TMEM51: variants seen among roughly 807,000 people sequenced by gnomAD.
TMEM51 encodes chromosome 1 open reading frame 72.
Under a neutral mutation model 13.6 loss-of-function variants are expected in TMEM51, and 8 were observed. That is an observed-to-expected ratio of 0.59 (90% CI 0.35 to 1.07). The LOEUF (loss-of-function observed/expected upper bound fraction) is 1.07. Ranked by LOEUF, TMEM51 falls within the 50% of genes least tolerant of loss-of-function variation. The pLI is 0.02. For synonymous variants in TMEM51, 147 were observed against 144.4 expected (o/e 1.02, Z -0.13); for missense variants, 279 against 330.7 (o/e 0.84, Z 1.21).
intron 1 of TMEM51, among the ~76,000 whole-genome samples, chr1:15,191,362 G>A (rs1179021004): frequency 1.3e-5 from 2 of 152,218 alleles, no homozygotes; most frequent in Admixed American, 1.3e-4. Context: ...CCACAAGTTG[G>A]TGGCAGTTTG....
chr1:15,188,070 G>C (rs1174817701), intron 1 of TMEM51, among the ~76,000 whole-genome samples: 1 of 152,194 alleles, frequency 6.6e-6, no homozygotes, highest in African/African-American at 2.4e-5. Flanking sequence ...TATTAGATGA[G>C]AGTGTTTTTG....
chr1:15,193,959 T>A (rs1643992729), intron 1 of TMEM51, among the ~76,000 whole-genome samples: 1 of 152,260 alleles, frequency 6.6e-6, no homozygotes. Flanking sequence ...TATTCCACTC[T>A]ACTGCTAAGC....
chr1:15,168,543 A>G, intron 1 of TMEM51: 1 of 1,304,896 alleles, frequency 7.7e-7, no homozygotes. Flanking sequence ...CCACTGATTT[A>G]ACAGCATAGG....
chr1:15,203,953 A>G (rs1230855174), intron 1 of TMEM51, among the ~76,000 whole-genome samples: 1 of 152,190 alleles, frequency 6.6e-6, no homozygotes, highest in Non-Finnish European at 1.5e-5. Context: ...GTCCCACGGC[A>G]TAACAGGTGG....
chr1:15,161,821 C>T lies in TMEM51; in HGVS notation c.-267+7867C>T, dbSNP rs539919659. On this transcript the variant is annotated intron_variant, in intron 1 of 3. Transcript: ENST00000376008. The surrounding 1 kb of genome is among the most constrained non-coding windows in gnomAD (Gnocchi z 4.0). ...GCGGGCACCTGTAGTCCCAGCTACT[C>T]AGGAGGCTGAGGCAGAAGAATGGCT... Among the ~76,000 whole-genome samples, 2 of 151,862 alleles carry T rather than the reference C, an allele frequency of 1.3e-5. No individual in the cohort carries two copies. Among genetic ancestry groups the T allele is most frequent in the Non-Finnish European group, 2.9e-5 (2 of 67,982 alleles).
At chr1:15,170,042 G>T (rs1026869306) in intron 1 of TMEM51, among the ~76,000 whole-genome samples, 1 of 152,172 alleles carries the variant, frequency 6.6e-6, no homozygotes, top group Non-Finnish European at 1.5e-5. Context: ...CTTGAGCCAT[G>T]GCTCACTTTC....
At chr1:15,196,023 C>T (rs746891398) in intron 1 of TMEM51, among the ~76,000 whole-genome samples, 82 of 152,326 alleles carry the variant, frequency 5.4e-4, no homozygotes, top group African/African-American at 1.9e-3. Flanking sequence ...AGGCAGTCCT[C>T]AGCCCTGAGT....
At position 15,161,086 on chromosome 1, in the gene TMEM51, G is replaced by A. The variant is rs1201276154; in HGVS notation, c.-267+7132G>A. 1.3e-5 allele frequency among the ~76,000 whole-genome samples: 2 copies of A among 152,116 alleles called. No individual in the cohort carries two copies. Among genetic ancestry groups the A allele is most frequent in the East Asian group, 1.9e-4 (1 of 5,204 alleles). On this transcript the variant is annotated intron_variant, in intron 1 of 3. Transcript: ENST00000376008. The surrounding 1 kb of genome is among the most constrained non-coding windows in gnomAD (Gnocchi z 4.0). The stretch of plus-strand genomic sequence containing the variant: ...GTCTTCCTGGTGGAGGCAACTGCCT[G>A]TGCAAAGGCCTCAAGGTGTAAAAGA...
intron 1 of TMEM51, among the ~76,000 whole-genome samples, chr1:15,186,056 G>A (rs1225785282): frequency 6.6e-6 from 1 of 152,234 alleles, no homozygotes; most frequent in Non-Finnish European, 1.5e-5. Context: ...TGTGTCCTGA[G>A]CCCAAGGGAG....
intron 1 of TMEM51, among the ~76,000 whole-genome samples, chr1:15,157,299 A>G (rs1021791965): frequency 6.6e-6 from 1 of 152,174 alleles, no homozygotes; most frequent in Non-Finnish European, 1.5e-5. Flanking sequence ...AAGTCTCCAC[A>G]TTCTCTCTTG....
Position 15,214,759 on chromosome 1 carries a change from A to G in TMEM51, c.-193-136A>G, listed in dbSNP as rs539279110. ...TGAGCACGTAAGACATCTGGAATGC[A>G]TCAAAGGCGAGGCCCAGCCAGAGCC... On this transcript the variant is annotated intron_variant, in intron 2 of 3. Coordinates refer to ENST00000376008, the MANE Select transcript of TMEM51 (RefSeq NM_001136218.2). 7.9e-4 allele frequency: 229 copies of G among 289,490 alleles called. 3 individuals carry two copies. In the South Asian group the frequency reaches 8.6e-3, roughly 11 times the overall value. The allele number at this position is 289,490 out of a possible 1,614,324, so 17.9% of individuals were successfully genotyped here. A position where few individuals can be genotyped will look rare whatever the true frequency, so the allele number is the denominator to read the frequency against.
chr1:15,208,362 C>T (rs1307123700), intron 1 of TMEM51, among the ~76,000 whole-genome samples: 1 of 152,144 alleles, frequency 6.6e-6, no homozygotes, highest in Non-Finnish European at 1.5e-5. Context: ...TGGCTCATGC[C>T]TGCAATCCCA....
At chr1:15,204,385 C>T (rs888586446) in intron 1 of TMEM51, among the ~76,000 whole-genome samples, 10 of 152,116 alleles carry the variant, frequency 6.6e-5, no homozygotes, top group African/African-American at 2.4e-4. Context: ...GAAACCTCGT[C>T]TCTACTAAAA....
intron 1 of TMEM51, among the ~76,000 whole-genome samples, chr1:15,173,178 T>C (rs1643347494): frequency 6.6e-6 from 1 of 151,934 alleles, no homozygotes; most frequent in South Asian, 2.1e-4. Flanking sequence ...ATCTCCTCTT[T>C]CTGCTTAGGA....
intron 1 of TMEM51, among the ~76,000 whole-genome samples, chr1:15,193,465 C>T (rs1643974676): frequency 6.6e-6 from 1 of 152,206 alleles, no homozygotes; most frequent in African/African-American, 2.4e-5. Flanking sequence ...CCCCAGGTTT[C>T]CCACAGCAAA....
intron 1 of TMEM51, among the ~76,000 whole-genome samples, chr1:15,170,295 C>T (rs563598929): frequency 1.3e-5 from 2 of 151,958 alleles, no homozygotes; most frequent in South Asian, 2.1e-4. Context: ...TCCTCTCCCC[C>T]GGCCCTCTGC....
intron 1 of TMEM51, among the ~76,000 whole-genome samples, chr1:15,206,937 C>T (rs758387317): frequency 3.9e-5 from 6 of 152,150 alleles, no homozygotes; most frequent in Non-Finnish European, 5.9e-5. Context: ...GACCTTGGTC[C>T]GTGGGGAGGT....
chr1:15,215,337 A>G lies in TMEM51; in HGVS notation c.250A>G (p.Ser84Gly), dbSNP rs1351424408. ...GCTGCTGCTGCTTTCTATCTGCCTG[A>G]GTATCAGGGATAAGAGGAAGCAGCG... ...VMLLLLSICLSIRDKRKQRQG... is the reference protein window; with the variant it reads ...VMLLLLSICLGIRDKRKQRQG... Residue 84 changes from serine to glycine, a missense_variant, in exon 3 of 4, where the codon AGT becomes GGT. By Grantham distance (56) the Ser-to-Gly change is moderately conservative. Coordinates refer to ENST00000376008, the MANE Select transcript of TMEM51 (RefSeq NM_001136218.2). 3 of 1,613,964 alleles carry G rather than the reference A, an allele frequency of 1.9e-6. No individual in the cohort carries two copies. Among genetic ancestry groups the G allele is most frequent in the Non-Finnish European group, 2.5e-6 (3 of 1,180,040 alleles).
chr1:15,168,894 TGGAGTGG>T, intron 1 of TMEM51: 1 of 1,149,048 alleles, frequency 8.7e-7, no homozygotes. Context: ...TATCTGGAGT[TGGAGTGG>T]GGAGCAACTA....
Sources: gnomAD v4.1 joint callset for allele counts (sites outside exome capture counted in the v4.1 genomes callset) on GRCh38, gnomAD v4.1.1 for gene constraint, Gnocchi (gnomAD v3.1) non-coding constraint, MANE v1.5 for transcripts, NCBI Gene and HGNC (gene_info 2026-07-23, HGNC 2026-07-21) for gene names.